Variants in MKX observed in about 807,000 individuals in gnomAD.
The protein encoded by MKX is homeobox protein Mohawk.
In MKX, 13 loss-of-function variants were observed where a neutral mutation model predicts 36.0. The ratio of observed to expected loss-of-function variants is 0.36; its 90% CI spans 0.24 to 0.57. MKX has a LOEUF of 0.57. Among genes scored for constraint, MKX ranks in the 20% least tolerant of loss-of-function variants. The pLI is 0.79. For synonymous variants in MKX, 176 were observed against 178.3 expected (o/e 0.99, Z 0.10); for missense variants, 458 against 456.4 (o/e 1.00, Z -0.03).
chr10:27,694,578 C>T (rs1462677224), intron 5 of MKX, among the ~76,000 whole-genome samples: 2 of 147,696 alleles, frequency 1.4e-5, no homozygotes, highest in Admixed American at 6.8e-5. Context: ...GCCTGTAGTC[C>T]CAGCTACTCG....
chr10:27,735,226 G>T lies in MKX; in HGVS notation c.497C>A (p.Ser166Tyr). 1 of 1,574,092 alleles carries T rather than the reference G, an allele frequency of 6.4e-7. No homozygotes were observed. Among genetic ancestry groups the T allele is most frequent in the South Asian group, 1.2e-5 (1 of 84,390 alleles). The change falls in exon 4 of 7, where the codon TCT (serine) becomes TAT (tyrosine). Residue 166 changes from serine (S) to tyrosine (Y), a missense_variant. By Grantham distance (144) the Ser-to-Tyr change is moderately radical (BLOSUM62 -2). Transcript: ENST00000419761. Reference sequence around the variant, plus strand: ...AAATAAAAATATTAACAAACCTTCAGAACATGAGTCATCACTGCTTACGCT... The same window carrying T: ...AAATAAAAATATTAACAAACCTTCATAACATGAGTCATCACTGCTTACGCT... Reference protein sequence around the residue: ...RLSVSSDDSCSEDGENPPRTH... With the variant: ...RLSVSSDDSCYEDGENPPRTH...
intron 5 of MKX, among the ~76,000 whole-genome samples, chr10:27,730,989 C>T (rs1211854662): frequency 4.0e-5 from 6 of 151,594 alleles, no homozygotes; most frequent in East Asian, 2.0e-4. Context: ...AAAAAATTAG[C>T]CCAATGTGGT....
At chr10:27,696,963 C>T (rs1836565646) in intron 5 of MKX, among the ~76,000 whole-genome samples, 1 of 152,176 alleles carries the variant, frequency 6.6e-6, no homozygotes, top group South Asian at 2.1e-4. Context: ...AACTGTTATA[C>T]CCATCCTTTT....
chr10:27,683,306 C>T (rs1366909413), intron 5 of MKX, among the ~76,000 whole-genome samples: 5 of 152,216 alleles, frequency 3.3e-5, no homozygotes, highest in African/African-American at 4.8e-5. Flanking sequence ...GTTCCGATTG[C>T]CTACAGTAGT....
chr10:27,701,872 G>C (rs947603717), intron 5 of MKX, among the ~76,000 whole-genome samples: 1 of 149,888 alleles, frequency 6.7e-6, no homozygotes, highest in African/African-American at 2.5e-5. Context: ...GTTTTCAAAT[G>C]TACATGTGTA....
intron 5 of MKX, among the ~76,000 whole-genome samples, chr10:27,692,712 G>A (rs1203866352): frequency 6.6e-6 from 1 of 152,268 alleles, no homozygotes; most frequent in East Asian, 1.9e-4. Flanking sequence ...ATAAACTAAA[G>A]TGAACTTAGT....
chr10:27,694,643 C>T (rs566807880), intron 5 of MKX, among the ~76,000 whole-genome samples: 10 of 143,134 alleles, frequency 7.0e-5, no homozygotes, highest in African/African-American at 1.8e-4. Context: ...TGCAGTGAGC[C>T]GAGATCGTGC....
In MKX at chr10:27,741,608, C is replaced by T; in HGVS notation, c.189-104G>A. On this transcript the variant is annotated intron_variant, in intron 2 of 6. Transcript: ENST00000419761. The surrounding 1 kb of genome is among the most constrained non-coding windows in gnomAD (Gnocchi z 5.1). ...GGGCCCCGCATCCAAACTGCGCATTCCTGCCTTGCGCCCCTGCTTTGCGCG... is the reference window on the plus strand; with the variant it reads ...GGGCCCCGCATCCAAACTGCGCATTTCTGCCTTGCGCCCCTGCTTTGCGCG... 7.5e-7 allele frequency: 1 copy of T among 1,330,188 alleles called. No homozygotes were observed. Among genetic ancestry groups the T allele is most frequent in the South Asian group, 1.5e-5 (1 of 64,844 alleles). 82.4% of individuals were successfully genotyped at this position (1,330,188 alleles called of 1,614,324 possible). A position where few individuals can be genotyped will look rare whatever the true frequency, so the allele number is the denominator to read the frequency against.
At chr10:27,718,495 T>A (rs906276137) in intron 5 of MKX, 1 of 351,874 alleles carries the variant, frequency 2.8e-6, no homozygotes, top group Non-Finnish European at 5.7e-6. Context: ...ATCAATAATT[T>A]TGCTTGAAGG....
At chr10:27,702,806 T>C (rs1167221203) in intron 5 of MKX, among the ~76,000 whole-genome samples, 1 of 152,030 alleles carries the variant, frequency 6.6e-6, no homozygotes, top group Non-Finnish European at 1.5e-5. Flanking sequence ...AAAGGAAAGA[T>C]TTTCACAACA....
intron 5 of MKX, among the ~76,000 whole-genome samples, chr10:27,698,147 T>C (rs1328928688): frequency 6.6e-6 from 1 of 152,104 alleles, no homozygotes; most frequent in Non-Finnish European, 1.5e-5. Flanking sequence ...GAGTTTTTGT[T>C]TGAGCTGAAA....
chr10:27,731,713 C>A (rs984418037), intron 5 of MKX, among the ~76,000 whole-genome samples: 2 of 151,334 alleles, frequency 1.3e-5, no homozygotes, highest in South Asian at 2.1e-4. Flanking sequence ...ATAGTCCATA[C>A]TATGGACCAA....
At chr10:27,724,448 T>C (rs1382992820) in intron 5 of MKX, among the ~76,000 whole-genome samples, 1 of 152,134 alleles carries the variant, frequency 6.6e-6, no homozygotes, top group East Asian at 1.9e-4. Context: ...GAGCAAATGC[T>C]AAAAGTGAAT....
chr10:27,731,600 G>A (rs889086226), intron 5 of MKX, among the ~76,000 whole-genome samples: 7 of 151,506 alleles, frequency 4.6e-5, no homozygotes, highest in African/African-American at 1.2e-4. Context: ...TGGTGCACAC[G>A]CATGTAAAAC....
intron 5 of MKX, among the ~76,000 whole-genome samples, chr10:27,686,454 G>A (rs1283316711): frequency 6.9e-6 from 1 of 145,414 alleles, no homozygotes. Context: ...AGGAAAGAGG[G>A]GGAAGAGAAG....
intron 5 of MKX, among the ~76,000 whole-genome samples, chr10:27,690,503 A>G (rs948232514): frequency 6.6e-6 from 1 of 152,236 alleles, no homozygotes; most frequent in Non-Finnish European, 1.5e-5. Flanking sequence ...TTGTGGGAAC[A>G]TAGTGGACTC....
At chr10:27,719,036 A>G (rs1390044700) in intron 5 of MKX, among the ~76,000 whole-genome samples, 2 of 152,208 alleles carry the variant, frequency 1.3e-5, no homozygotes, top group Non-Finnish European at 2.9e-5. Flanking sequence ...TGTGTTATAG[A>G]ATTACCCTTT....
intron 5 of MKX, among the ~76,000 whole-genome samples, chr10:27,721,416 A>G (rs1356644356): frequency 6.6e-6 from 1 of 152,248 alleles, no homozygotes; most frequent in Admixed American, 6.5e-5. Flanking sequence ...GAAATGTGGT[A>G]CATATACACC....
chr10:27,733,399 G>A (rs1320348029), intron 5 of MKX, among the ~76,000 whole-genome samples: 3 of 152,166 alleles, frequency 2.0e-5, no homozygotes, highest in African/African-American at 7.2e-5. Flanking sequence ...GTAGTAAAAT[G>A]TGTATAGTTT....
Sources: allele counts gnomAD v4.1 joint callset (sites outside exome capture counted in the v4.1 genomes callset), GRCh38; gene constraint gnomAD v4.1.1; non-coding constraint Gnocchi (gnomAD v3.1); transcripts MANE v1.5; gene names NCBI Gene and HGNC (gene_info 2026-07-23, HGNC 2026-07-21).